Variants in CLEC4C observed in about 807,000 individuals in gnomAD.
The protein encoded by CLEC4C is C-type lectin domain family 4 member C, also known as C-type (calcium dependent, carbohydrate-recognition domain) lectin, superfamily member 11.
A neutral mutation model predicts 27.7 loss-of-function variants in CLEC4C; 17 were observed. That is an observed-to-expected ratio of 0.61 (90% confidence interval 0.42 to 0.92). The LOEUF (loss-of-function observed/expected upper bound fraction) is 0.92, where lower values mean the gene tolerates loss of function less well. Among genes scored for constraint, CLEC4C ranks in the 40% least tolerant of loss-of-function variants. The pLI is 0.00. For synonymous variants in CLEC4C, 80 were observed against 80.8 expected, an observed-to-expected ratio of 0.99 and a Z score of 0.06; for missense variants, 244 against 257.3, an observed-to-expected ratio of 0.95 and a Z score of 0.35.
chr12:7,741,276 A>AT, intron 3 of CLEC4C, 145 bp downstream of exon 3: 1 of 593,718 alleles, frequency 1.7e-6, no homozygotes. Context: ...TGAGGTGTCT[A>AT]TTTAAGATAC....
chr12:7,741,398 T>C (rs761661143), intron 3 of CLEC4C, 23 bp downstream of exon 3: 3 of 1,250,008 alleles, frequency 2.4e-6, no homozygotes, highest in African/African-American at 2.9e-5. Context: ...AGGGAAGTCT[T>C]GTTGCCCATT....
chr12:7,736,525 T>A lies in CLEC4C; in HGVS notation c.381+904A>T, dbSNP rs772306550. On this transcript the variant is annotated intron_variant, in intron 4 of 5. Coordinates refer to ENST00000360345, the MANE Select transcript of CLEC4C (RefSeq NM_001371390.1). ...ATTCACTATTTTATTTGCCTGAATT[T>A]TTTTTCTTATATTTTTAAAATTAAA... Among the ~76,000 whole-genome samples, 18 of 152,326 alleles carry A rather than the reference T, an allele frequency of 1.2e-4. No homozygotes were observed. In the East Asian group the frequency reaches 3.3e-3, roughly 28 times the overall value.
At chr12:7,743,711 A>C (rs1007787522) in intron 2 of CLEC4C, among the ~76,000 whole-genome samples, 2 of 152,076 alleles carry the variant, frequency 1.3e-5, no homozygotes, top group Non-Finnish European at 2.9e-5. Flanking sequence ...GACTAAACCT[A>C]GTCAAACTCT....
intron 4 of CLEC4C, among the ~76,000 whole-genome samples, chr12:7,736,827 C>T (rs749580793): frequency 4.6e-5 from 7 of 151,818 alleles, no homozygotes; most frequent in Non-Finnish European, 1.0e-4. Flanking sequence ...GGTGTGAACC[C>T]GGGAGGCTGA....
At position 7,737,532 on chromosome 12, in the gene CLEC4C, C is replaced by T. The variant is rs1309079192; in HGVS notation, c.278G>A (p.Ser93Asn). 2.5e-6 allele frequency: 4 copies of T among 1,613,950 alleles called. No homozygotes were observed. In the African/African-American group the frequency reaches 5.3e-5, roughly 22 times the overall value. ...CATCCCAGTAGAAATAAAGTAGCAA[C>T]TAGACTGAAATGAAGTCCAAGGGGT... ...CPTPWTSFQS[S>N]CYFISTGMQS... Residue 93 changes from serine to asparagine, a missense_variant, in exon 4 of 6, where the codon AGT (serine) becomes AAT (asparagine). Coordinates refer to ENST00000360345, the MANE Select transcript of CLEC4C (RefSeq NM_001371390.1).
rs754225522 is a variant in CLEC4C at position 7,741,050 on chromosome 12, G to A, written c.235+371C>T. Among the ~76,000 whole-genome samples, 4 of 152,124 alleles carry A rather than the reference G, an allele frequency of 2.6e-5. No homozygotes were observed. In the South Asian group the frequency reaches 8.3e-4, roughly 32 times the overall value. On this transcript the variant is annotated intron_variant, in intron 3 of 5. Coordinates refer to ENST00000360345, the MANE Select transcript of CLEC4C (RefSeq NM_001371390.1). ...AGGGACAGGGTTTCACCGTGGTCTC[G>A]ATCTCCTGACCTCGTGATCCGCCCG...
intron 5 of CLEC4C, 86 bp from the exon 6 acceptor site, chr12:7,729,826 G>A: frequency 3.1e-6 from 4 of 1,280,124 alleles, no homozygotes; most frequent in South Asian, 1.4e-5. Flanking sequence ...GTTAAACAGT[G>A]CGAAAGTCAA....
chr12:7,741,871 A>G (rs927272666), intron 2 of CLEC4C, among the ~76,000 whole-genome samples: 1 of 152,104 alleles, frequency 6.6e-6, no homozygotes, highest in African/African-American at 2.4e-5. Flanking sequence ...AAATACAAAA[A>G]TTAGCTGGGT....
chr12:7,733,874 C>T (rs1194795399), intron 4 of CLEC4C, among the ~76,000 whole-genome samples: 3 of 151,556 alleles, frequency 2.0e-5, no homozygotes, highest in African/African-American at 7.3e-5. Flanking sequence ...CACACCCAGC[C>T]GTCATATATT....
chr12:7,741,677 C>A (rs1193897204), intron 2 of CLEC4C, 146 bp from the exon 3 acceptor site: 2 of 550,150 alleles, frequency 3.6e-6, no homozygotes, highest in Non-Finnish European at 3.3e-6. Context: ...CATTTGAGGT[C>A]GGGAGTTAGA....
chr12:7,747,386 T>C (rs1303565325), upstream of CLEC4C: 1 of 1,608,940 alleles, frequency 6.2e-7, no homozygotes, highest in Non-Finnish European at 8.5e-7. Context: ...CTCTATCAGG[T>C]GGGTGCAGAA....
upstream of CLEC4C, among the ~76,000 whole-genome samples, chr12:7,748,155 T>C (rs1865027774): frequency 2.0e-5 from 3 of 152,072 alleles, no homozygotes; most frequent in East Asian, 3.9e-4. Flanking sequence ...ACTGGTGAAA[T>C]AGACACTGAG....
chr12:7,734,136 G>A (rs77567151), intron 4 of CLEC4C, among the ~76,000 whole-genome samples: 3,407 of 152,250 alleles, frequency 0.022, 98 homozygotes, highest in South Asian at 0.098. Context: ...GAACATATAC[G>A]AGACATTGTT....
chr12:7,749,453 G>A (rs1865055784), upstream of CLEC4C: 1 of 151,860 alleles, frequency 6.6e-6, no homozygotes, highest in Non-Finnish European at 1.5e-5. Context: ...TACTCAGGAG[G>A]CTGAGGCACG....
chr12:7,739,846 ATTTT>A (rs56683824), intron 3 of CLEC4C, among the ~76,000 whole-genome samples: 2 of 140,990 alleles, frequency 1.4e-5, no homozygotes, highest in African/African-American at 2.6e-5. Flanking sequence ...TAGCTCGGTA[ATTTT>A]TTTTTTTTTT....
At chr12:7,732,389 G>T (rs1416261159) in intron 4 of CLEC4C, among the ~76,000 whole-genome samples, 1 of 142,204 alleles carries the variant, frequency 7.0e-6, no homozygotes, top group African/African-American at 2.6e-5. Context: ...GTCTCACTCT[G>T]TCGCCAGGCT....
chr12:7,748,615 G>C (rs760021457), upstream of CLEC4C, among the ~76,000 whole-genome samples: 8 of 152,208 alleles, frequency 5.3e-5, no homozygotes, highest in Non-Finnish European at 1.0e-4. Flanking sequence ...TATACTTGCT[G>C]AAACAACTTA....
In CLEC4C at chr12:7,739,052, A is replaced by G. The variant is rs183533246; in HGVS notation, c.236-1478T>C. On this transcript the variant is annotated intron_variant, in intron 3 of 5. Coordinates refer to ENST00000360345, the MANE Select transcript of CLEC4C (RefSeq NM_001371390.1). ...TTCGATTCCCACCAGTAGTTTTGAA[A>G]AAGAAACTCTTGTCATCTTTTTACC... 3.8e-3 allele frequency among the ~76,000 whole-genome samples: 567 copies of G among 149,924 alleles called. 4 individuals are homozygous for G. Among genetic ancestry groups the G allele is most frequent in the African/African-American group, 0.013 (527 of 40,754 alleles).
Position 7,746,437 on chromosome 12 carries a change from A to G in CLEC4C, c.32-14T>C. 6.4e-7 allele frequency: 1 copy of G among 1,562,932 alleles called. No homozygotes were observed. The highest frequency in any genetic ancestry group is 8.8e-7 in the Non-Finnish European group (1 of 1,133,874). ...AGAGTCCTTTCTCTGTCAGATCAGC[A>G]TGACAAATGCACAGTCATAATCCCC... On this transcript the variant is annotated splice_polypyrimidine_tract_variant and intron_variant, in intron 1 of 5. Coordinates refer to ENST00000360345, the MANE Select transcript of CLEC4C (RefSeq NM_001371390.1).
Sources: allele counts gnomAD v4.1 joint callset (sites outside exome capture counted in the v4.1 genomes callset), GRCh38; gene constraint gnomAD v4.1.1; transcripts MANE v1.5; gene names NCBI Gene and HGNC (gene_info 2026-07-23, HGNC 2026-07-21).